The following EFCAB14 variants were observed in gnomAD, a reference collection of about 807,000 sequenced individuals.
EFCAB14 encodes the protein EF-hand calcium-binding domain-containing protein 14.
In EFCAB14, 43 loss-of-function variants were observed where a neutral mutation model predicts 56.5. The observed-to-expected ratio is 0.76, with a 90% CI of 0.60 to 0.98. The LOEUF (loss-of-function observed/expected upper bound fraction) is 0.98. EFCAB14 is among the 50% of genes least tolerant of loss of function. The pLI, the probability that EFCAB14 is intolerant of heterozygous loss-of-function variation, is 0.00. For missense variants in EFCAB14, 538 were observed against 580.3 expected (o/e 0.93, Z 0.75); for synonymous variants, 235 against 212.9 (o/e 1.10, Z -0.90).
At chr1:46,691,697 TG>T (rs777937495) in intron 5 of EFCAB14, 129 bp downstream of exon 5, 25 of 580,390 alleles carry the variant, frequency 4.3e-5, no homozygotes, top group Non-Finnish European at 7.3e-5. Flanking sequence ...GAACAATCAA[TG>T]TATACTGCTT....
In EFCAB14 at chr1:46,676,934, T is replaced by C. The variant is rs922844665; in HGVS notation, c.*1527A>G. 1 of 152,574 alleles carries C rather than the reference T, an allele frequency of 6.6e-6. No individual in the cohort carries two copies. The highest frequency in any genetic ancestry group is 1.5e-5 in the Non-Finnish European group (1 of 68,014). 9.5% of individuals were successfully genotyped at this position (152,574 alleles called of 1,614,324 possible). On this transcript the variant is annotated 3_prime_UTR_variant, in exon 11 of 11. Coordinates refer to ENST00000371933, the MANE Select transcript of EFCAB14 (RefSeq NM_014774.3). ...ACTGTATCCATGGTGAAGGGCAACC[T>C]GAACAAAGTTAAAAAGGAAATGATC... is the stretch of plus-strand genomic sequence containing the variant.
intron 8 of EFCAB14, among the ~76,000 whole-genome samples, chr1:46,685,775 T>C (rs1676871668): frequency 6.6e-6 from 1 of 152,234 alleles, no homozygotes; most frequent in African/African-American, 2.4e-5. Flanking sequence ...CCTATTAGTT[T>C]TTTTGTGCTC....
Position 46,676,125 on chromosome 1 carries a change from G to C in EFCAB14, c.*2336C>G, listed in dbSNP as rs1306378829. The C allele has an allele frequency of 2.0e-5, 3 of 152,228 alleles. No homozygotes were observed. Among genetic ancestry groups the C allele is most frequent in the Non-Finnish European group, 4.4e-5 (3 of 68,038 alleles). 9.4% of individuals were successfully genotyped at this position (152,228 alleles called of 1,614,324 possible). On this transcript the variant is annotated 3_prime_UTR_variant, in exon 11 of 11. Coordinates refer to ENST00000371933, the MANE Select transcript of EFCAB14 (RefSeq NM_014774.3). Reference sequence around the variant, plus strand: ...GCTTATGGGATGCTTAAGCCAGTGAGTCTGCTCAACTCAGAAGAAAGGAGT... The same window carrying C: ...GCTTATGGGATGCTTAAGCCAGTGACTCTGCTCAACTCAGAAGAAAGGAGT...
chr1:46,702,585 T>C (rs183684916), intron 3 of EFCAB14, among the ~76,000 whole-genome samples: 2 of 152,330 alleles, frequency 1.3e-5, no homozygotes, highest in African/African-American at 4.8e-5. Context: ...CATAGGACTG[T>C]AGAAGCCAAG....
At chr1:46,690,898 G>C (rs1228730178) in intron 5 of EFCAB14, among the ~76,000 whole-genome samples, 2 of 151,894 alleles carry the variant, frequency 1.3e-5, no homozygotes, top group South Asian at 4.2e-4. Flanking sequence ...CTTGCAAAGA[G>C]CAGGTGGGGG....
Position 46,679,618 on chromosome 1 carries a change from T to G in EFCAB14, c.1313-982A>C, listed in dbSNP as rs1435128909. Among the ~76,000 whole-genome samples the G allele has an allele frequency of 2.2e-5, 3 of 133,828 alleles. No individual in the cohort carries two copies. The East Asian group carries it at 6.4e-4, about 29-fold the overall frequency. The allele number at this position is 133,828 out of a possible 152,430, so 87.8% of individuals were successfully genotyped here. ...ACGCCTGTTTTTTTTTTTTTTTTTTTTTTTTTTTTTTTGGTGGAGTCTTAC... is the reference window on the plus strand; with the variant it reads ...ACGCCTGTTTTTTTTTTTTTTTTTTGTTTTTTTTTTTTGGTGGAGTCTTAC... On this transcript the variant is annotated intron_variant, in intron 10 of 10. Coordinates refer to ENST00000371933, the MANE Select transcript of EFCAB14 (RefSeq NM_014774.3).
At chr1:46,717,365 T>G (rs1292146391) in intron 1 of EFCAB14, among the ~76,000 whole-genome samples, 1 of 152,164 alleles carries the variant, frequency 6.6e-6, no homozygotes, top group Admixed American at 6.5e-5. Flanking sequence ...ACTACTTGAT[T>G]TGCCTAGTGG....
At chr1:46,681,159 G>C (rs1221071921) in intron 10 of EFCAB14, among the ~76,000 whole-genome samples, 3 of 151,964 alleles carry the variant, frequency 2.0e-5, no homozygotes, top group Non-Finnish European at 4.4e-5. Context: ...GGATTTCACT[G>C]TGTTGCCCAG....
At position 46,708,052 on chromosome 1, in the gene EFCAB14, C is replaced by T; in HGVS notation, c.335-1G>A. 4 of 1,609,348 alleles carry T rather than the reference C, an allele frequency of 2.5e-6. No individual in the cohort carries two copies. Among genetic ancestry groups the T allele is most frequent in the Non-Finnish European group, 3.4e-6 (4 of 1,178,926 alleles). On this transcript the variant is annotated splice_acceptor_variant, in intron 2 of 10. Transcript: ENST00000371933. LOFTEE classifies it high-confidence loss of function. ...AATGAGCTTTTCTGATTAGATTCCACTAAAAAGACAAAATAAGAACAATCA... is the reference window on the plus strand; with the variant it reads ...AATGAGCTTTTCTGATTAGATTCCATTAAAAAGACAAAATAAGAACAATCA...
intron 4 of EFCAB14, among the ~76,000 whole-genome samples, chr1:46,695,893 T>G (rs1677071694): frequency 6.6e-6 from 1 of 152,146 alleles, no homozygotes; most frequent in Non-Finnish European, 1.5e-5. Context: ...TTGCCCAGGC[T>G]GGTCTGTAAT....
intron 4 of EFCAB14, among the ~76,000 whole-genome samples, chr1:46,695,443 T>C (rs1004935601): frequency 1.3e-5 from 2 of 152,128 alleles, no homozygotes; most frequent in African/African-American, 4.8e-5. Flanking sequence ...CACACACAGA[T>C]GGTGTGGCTA....
chr1:46,708,079 A>G (rs1417771848), intron 2 of EFCAB14, 28 bp from the exon 3 acceptor site: 3 of 1,603,100 alleles, frequency 1.9e-6, no homozygotes, highest in Non-Finnish European at 1.7e-6. Flanking sequence ...GAACAATCAT[A>G]ACTAGCATAA....
chr1:46,709,219 C>T (rs1490504182), intron 2 of EFCAB14, among the ~76,000 whole-genome samples: 1 of 152,142 alleles, frequency 6.6e-6, no homozygotes, highest in Non-Finnish European at 1.5e-5. Context: ...AAATATTTCA[C>T]CTTTGCTTAA....
rs1676693164 is a variant in EFCAB14 at position 46,676,274 on chromosome 1, G to A, written c.*2187C>T. Reference sequence around the variant, plus strand: ...CTTGGTAGGGGGAGAGGATGGTACTGTATACTGGCTCAGGGGTGATACTAG... The same window carrying A: ...CTTGGTAGGGGGAGAGGATGGTACTATATACTGGCTCAGGGGTGATACTAG... On this transcript the variant is annotated 3_prime_UTR_variant, in exon 11 of 11. Coordinates refer to ENST00000371933, the MANE Select transcript of EFCAB14 (RefSeq NM_014774.3). 1 of 152,186 alleles carries A rather than the reference G, an allele frequency of 6.6e-6. No individual in the cohort carries two copies. 9.4% of individuals were successfully genotyped at this position (152,186 alleles called of 1,614,324 possible). A position where few individuals can be genotyped will look rare whatever the true frequency, so the allele number is the denominator to read the frequency against.
At chr1:46,687,091 T>C (rs766198549) in intron 7 of EFCAB14, among the ~76,000 whole-genome samples, 3 of 152,170 alleles carry the variant, frequency 2.0e-5, no homozygotes, top group Non-Finnish European at 4.4e-5. Context: ...TCACAAACTT[T>C]AAGGCTTTGA....
rs1460497935 is a variant in EFCAB14 at position 46,680,513 on chromosome 1, C to G, written c.1313-1877G>C. ...TATGATTCCATTTATGTGAAACACC[C>G]CAAATAGGCAAATCCATAGAGATAG... On this transcript the variant is annotated intron_variant, in intron 10 of 10. Coordinates refer to ENST00000371933, the MANE Select transcript of EFCAB14 (RefSeq NM_014774.3). 2.0e-5 allele frequency among the ~76,000 whole-genome samples: 3 copies of G among 152,098 alleles called. No individual in the cohort carries two copies. In the South Asian group the frequency reaches 6.2e-4, roughly 32 times the overall value.
At chr1:46,684,066 A>G (rs1407259468) in intron 9 of EFCAB14, 1 of 172,186 alleles carries the variant, frequency 5.8e-6, no homozygotes, top group East Asian at 1.7e-4. Flanking sequence ...CCTAAAGCCA[A>G]AGACCCTTCC....
At chr1:46,695,083 TG>T (rs1267717341) in intron 4 of EFCAB14, among the ~76,000 whole-genome samples, 1 of 82,720 alleles carries the variant, frequency 1.2e-5, no homozygotes. Flanking sequence ...TGTTTTGGGG[TG>T]GGGGGAGGGA....
In EFCAB14 at chr1:46,688,364, A is replaced by T. The variant is rs775107942; in HGVS notation, c.976T>A (p.Ser326Thr). The change falls in exon 7 of 11, where the codon TCC becomes ACC. Residue 326 changes from serine to threonine, a missense_variant. Physicochemically the swap from Ser to Thr is moderately conservative, Grantham distance 58. Coordinates refer to ENST00000371933, the MANE Select transcript of EFCAB14 (RefSeq NM_014774.3). ...CAGAAAAGGCTTACCATGCTGAAGGACAGGTTTGCTTTCTTTTCTACCTTG... is the reference window on the plus strand; with the variant it reads ...CAGAAAAGGCTTACCATGCTGAAGGTCAGGTTTGCTTTCTTTTCTACCTTG... ...MSKVEKKANL[S>T]FSMMGDRSAT... The T allele has an allele frequency of 5.6e-6, 9 of 1,613,780 alleles. No homozygotes were observed. Among genetic ancestry groups the T allele is most frequent in the Non-Finnish European group, 6.8e-6 (8 of 1,179,738 alleles).
Sources: gnomAD v4.1 joint callset for allele counts (sites outside exome capture counted in the v4.1 genomes callset) on GRCh38, gnomAD v4.1.1 for gene constraint, MANE v1.5 for transcripts, NCBI Gene and HGNC (gene_info 2026-07-23, HGNC 2026-07-21) for gene names.